The following PPP6C variants were observed in gnomAD, a reference collection of about 807,000 sequenced individuals.
PPP6C encodes the protein serine/threonine-protein phosphatase 6 catalytic subunit.
Under a neutral mutation model 39.8 loss-of-function variants are expected in PPP6C, and 11 were observed. The ratio of observed to expected loss-of-function variants is 0.28; its 90% CI spans 0.17 to 0.46. The LOEUF (loss-of-function observed/expected upper bound fraction) is 0.46, where lower values mean the gene tolerates loss of function less well. Ranked by LOEUF, PPP6C falls within the 20% of genes least tolerant of loss-of-function variation. The pLI is 1.00. For synonymous variants in PPP6C, 129 were observed against 130.3 expected (o/e 0.99, Z 0.07); for missense variants, 211 against 373.9 (o/e 0.56, Z 3.59).
In PPP6C at chr9:125,171,154, G is replaced by A; in HGVS notation, c.102C>T (p.Leu34=). 1 of 1,600,898 alleles carries A rather than the reference G, an allele frequency of 6.2e-7. No homozygotes were observed. Among genetic ancestry groups the A allele is most frequent in the Non-Finnish European group, 8.5e-7 (1 of 1,170,490 alleles). Reference sequence around the variant, plus strand: ...GCTGAACATTTGACTCTTCTAAGAGGAGGTCACAAACGTAGTCACATAGCC... The same window carrying A: ...GCTGAACATTTGACTCTTCTAAGAGAAGGTCACAAACGTAGTCACATAGCC... ...LKRLCDYVCD[L]LLEESNVQPV... Residue 34 remains leucine (L), a synonymous_variant, in exon 2 of 7, where the codon CTC becomes CTT. Transcript: ENST00000373547.
rs757940489 is a variant in PPP6C, at chr9:125,153,990, G to A, written c.380-5C>T. The A allele has an allele frequency of 1.3e-6, 2 of 1,583,490 alleles. No individual in the cohort carries two copies. The highest frequency in any genetic ancestry group is 1.7e-6 in the Non-Finnish European group (2 of 1,153,456). On this transcript the variant is annotated splice_polypyrimidine_tract_variant and splice_region_variant and intron_variant, in intron 4 of 6. Transcript: ENST00000373547. Reference sequence around the variant, plus strand: ...CATATTTGGTTTGGCACTCATCTGTGAAAGAAACAGAAGGGTTTTAATTAA... The same window carrying A: ...CATATTTGGTTTGGCACTCATCTGTAAAAGAAACAGAAGGGTTTTAATTAA...
Position 125,184,296 on chromosome 9 carries a change from G to A in PPP6C, c.75+5348C>T, listed in dbSNP as rs548389060. Among the ~76,000 whole-genome samples, 10 of 152,150 alleles carry A rather than the reference G, an allele frequency of 6.6e-5. No homozygotes were observed. The South Asian group carries it at 2.1e-3, about 32-fold the overall frequency. On this transcript the variant is annotated intron_variant, in intron 1 of 6. Coordinates refer to ENST00000373547, the MANE Select transcript of PPP6C (RefSeq NM_002721.5). ...CCAGCTACTTGGGAGGCTGAGGCAG[G>A]AGAATTGTTTGAACCCAGGAGGCAG...
intron 2 of PPP6C, among the ~76,000 whole-genome samples, chr9:125,163,881 C>G (rs1451244252): frequency 2.9e-5 from 4 of 136,484 alleles, no homozygotes; most frequent in Non-Finnish European, 4.7e-5. Flanking sequence ...GAGTTTCGTT[C>G]TTGTTGTCCA....
intron 2 of PPP6C, among the ~76,000 whole-genome samples, chr9:125,169,617 A>G (rs1415534167): frequency 6.6e-6 from 1 of 152,220 alleles, no homozygotes; most frequent in Non-Finnish European, 1.5e-5. Flanking sequence ...AAACTTCTAC[A>G]CTACACTGGG....
intron 2 of PPP6C, among the ~76,000 whole-genome samples, chr9:125,163,828 T>C (rs1828948220): frequency 6.6e-6 from 1 of 151,734 alleles, no homozygotes. Flanking sequence ...GGTTCCCATT[T>C]CCCGAGAACT....
rs191667950 is a variant in PPP6C at position 125,149,940 on chromosome 9, C to A, written c.670-19G>T. 2.5e-6 allele frequency: 4 copies of A among 1,609,668 alleles called. No individual in the cohort carries two copies. The highest frequency in any genetic ancestry group is 3.4e-6 in the Non-Finnish European group (4 of 1,177,688). ...GAACAAACTGCAATTTAGAAAGGCA[C>A]TGTAAGTACTTAGCACTTAAAAAAC... On this transcript the variant is annotated intron_variant, in intron 6 of 6. Coordinates refer to ENST00000373547, the MANE Select transcript of PPP6C (RefSeq NM_002721.5).
intron 2 of PPP6C, among the ~76,000 whole-genome samples, chr9:125,165,859 C>G (rs1247211579): frequency 3.6e-5 from 5 of 137,884 alleles, no homozygotes; most frequent in Non-Finnish European, 7.6e-5. Context: ...TACAGTGGCA[C>G]ATTCTCAGCT....
At chr9:125,161,529 A>C (rs1385736165) in intron 2 of PPP6C, among the ~76,000 whole-genome samples, 3 of 152,152 alleles carry the variant, frequency 2.0e-5, no homozygotes, top group Non-Finnish European at 4.4e-5. Flanking sequence ...CTGCAGCCAC[A>C]AATTCCTGGG....
intron 1 of PPP6C, among the ~76,000 whole-genome samples, chr9:125,179,973 A>C (rs1002828137): frequency 6.6e-6 from 1 of 152,112 alleles, no homozygotes; most frequent in Non-Finnish European, 1.5e-5. Context: ...ATTTTTTAAA[A>C]CAACTATTGC....
At chr9:125,173,361 G>C (rs1396513489) in intron 1 of PPP6C, among the ~76,000 whole-genome samples, 2 of 135,864 alleles carry the variant, frequency 1.5e-5, no homozygotes, top group Admixed American at 8.5e-5. Context: ...AGCCGAGATT[G>C]CACCCATTGC....
chr9:125,178,267 A>C (rs886514965), intron 1 of PPP6C, among the ~76,000 whole-genome samples: 2 of 152,220 alleles, frequency 1.3e-5, no homozygotes, highest in Non-Finnish European at 2.9e-5. Flanking sequence ...CATTCCCACC[A>C]GCAATGAATG....
At chr9:125,174,891 GAC>G (rs1829263188) in intron 1 of PPP6C, among the ~76,000 whole-genome samples, 2 of 151,200 alleles carry the variant, frequency 1.3e-5, no homozygotes, top group Admixed American at 1.3e-4. Context: ...CAGTCTGGGC[GAC>G]AGAGTGAGAA....
At chr9:125,184,289 G>C (rs1829478147) in intron 1 of PPP6C, among the ~76,000 whole-genome samples, 1 of 152,094 alleles carries the variant, frequency 6.6e-6, no homozygotes, top group Non-Finnish European at 1.5e-5. Flanking sequence ...TTGGGAGGCT[G>C]AGGCAGGAGA....
At chr9:125,181,129 T>C (rs1174229825) in intron 1 of PPP6C, among the ~76,000 whole-genome samples, 1 of 152,130 alleles carries the variant, frequency 6.6e-6, no homozygotes, top group African/African-American at 2.4e-5. Flanking sequence ...AAGAAGTCTA[T>C]GCAATCTCAC....
intron 4 of PPP6C, among the ~76,000 whole-genome samples, chr9:125,156,744 GCTCTCTCTCT>G (rs61252351): frequency 1.8e-4 from 26 of 141,444 alleles, no homozygotes; most frequent in African/African-American, 4.8e-4. Flanking sequence ...TAATAAGCTC[GCTCTCTCTCT>G]CTCTCTCTCT....
chr9:125,185,432 G>A lies in PPP6C; in HGVS notation c.75+4212C>T, dbSNP rs564259686. ...ATGTATGCCAGGCATGGTGGCTCAC[G>A]CCTGTAATCCCAGCACTTTGGGAGG... On this transcript the variant is annotated intron_variant, in intron 1 of 6. Coordinates refer to ENST00000373547, the MANE Select transcript of PPP6C (RefSeq NM_002721.5). Among the ~76,000 whole-genome samples, 132 of 151,994 alleles carry A rather than the reference G, an allele frequency of 8.7e-4. 1 individual carries two copies. The highest frequency in any genetic ancestry group is 3.1e-3 in the African/African-American group (128 of 41,434).
At position 125,151,717 on chromosome 9, in the gene PPP6C, G is replaced by A. The variant is rs556111811; in HGVS notation, c.670-1796C>T. On this transcript the variant is annotated intron_variant, in intron 6 of 6. Transcript: ENST00000373547. ...GTGTAGCTTTCTATATCCCACATCAGGTATATCTGAGCTTATCCGAAATGA... is the reference window on the plus strand; with the variant it reads ...GTGTAGCTTTCTATATCCCACATCAAGTATATCTGAGCTTATCCGAAATGA... The A allele has an allele frequency of 4.3e-4, 151 of 349,792 alleles. 2 individuals carry two copies. Among genetic ancestry groups the A allele is most frequent in the Middle Eastern group, 2.0e-3 (2 of 996 alleles). 21.7% of individuals were successfully genotyped at this position (349,792 alleles called of 1,614,324 possible). A position where few individuals can be genotyped will look rare whatever the true frequency, so the allele number is the denominator to read the frequency against.
intron 1 of PPP6C, among the ~76,000 whole-genome samples, chr9:125,173,590 C>CA (rs1232918449): frequency 3.3e-5 from 5 of 149,932 alleles, no homozygotes; most frequent in Non-Finnish European, 5.9e-5. Flanking sequence ...AACAAACAAA[C>CA]AACAACAACA....
chr9:125,170,444 G>A (rs1375014415), intron 2 of PPP6C, among the ~76,000 whole-genome samples: 1 of 151,982 alleles, frequency 6.6e-6, no homozygotes, highest in East Asian at 1.9e-4. Flanking sequence ...TCACCATGTT[G>A]GTCAGGCTGG....
Sources: gnomAD v4.1 joint callset for allele counts (sites outside exome capture counted in the v4.1 genomes callset) on GRCh38, gnomAD v4.1.1 for gene constraint, MANE v1.5 for transcripts, NCBI Gene and HGNC (gene_info 2026-07-23, HGNC 2026-07-21) for gene names.